CYP39A1: variants seen among roughly 807,000 people sequenced by gnomAD.
CYP39A1 encodes the protein 24-hydroxycholesterol 7-alpha-hydroxylase.
Under a neutral mutation model 58.1 loss-of-function variants are expected in CYP39A1, and 49 were observed. That is an observed-to-expected ratio of 0.84 (90% CI 0.67 to 1.07). CYP39A1 has a LOEUF of 1.07. Among genes scored for constraint, CYP39A1 ranks in the 50% least tolerant of loss-of-function variants. The pLI is 0.00. For synonymous variants in CYP39A1, 209 were observed against 187.6 expected (o/e 1.11, Z -0.93); for missense variants, 531 against 539.4 (o/e 0.98, Z 0.16).
At chr6:46,616,407 T>C (rs1003325289) in intron 7 of CYP39A1, among the ~76,000 whole-genome samples, 4 of 151,562 alleles carry the variant, frequency 2.6e-5, no homozygotes, top group Middle Eastern at 3.4e-3. Flanking sequence ...CACAGGTGCA[T>C]GGCACCATGC....
Position 46,558,691 on chromosome 6 carries a change from T to C in CYP39A1, c.1251-4837A>G, listed in dbSNP as rs113850922. ...CTCCGTAAGGATTTAGATTATAGCA[T>C]GCATTAGGAAAAAAGGTGATTGTCG... On this transcript the variant is annotated intron_variant, in intron 10 of 11. Coordinates refer to ENST00000275016, the MANE Select transcript of CYP39A1 (RefSeq NM_016593.5). Among the ~76,000 whole-genome samples, 393 of 152,154 alleles carry C rather than the reference T, an allele frequency of 2.6e-3. 2 individuals carry two copies. The highest frequency in any genetic ancestry group is 9.1e-3 in the African/African-American group (378 of 41,532).
intron 7 of CYP39A1, among the ~76,000 whole-genome samples, chr6:46,612,735 C>T (rs1469629497): frequency 1.3e-5 from 2 of 152,182 alleles, no homozygotes; most frequent in Non-Finnish European, 2.9e-5. Context: ...TTCACAATTC[C>T]ACTGGAGCGT....
chr6:46,595,933 A>C, intron 8 of CYP39A1, 54 bp downstream of exon 8: 2 of 1,557,468 alleles, frequency 1.3e-6, no homozygotes, highest in Non-Finnish European at 1.7e-6. Flanking sequence ...TGTGGGCAAA[A>C]TGTGTACTTT....
At chr6:46,628,739 C>T (rs762019430) in intron 6 of CYP39A1, among the ~76,000 whole-genome samples, 6 of 152,070 alleles carry the variant, frequency 3.9e-5, no homozygotes, top group Non-Finnish European at 5.9e-5. Context: ...TTCTCAGCAG[C>T]AATAAAGGTC....
At chr6:46,625,882 CA>C (rs1394846146) in intron 6 of CYP39A1, among the ~76,000 whole-genome samples, 1 of 151,694 alleles carries the variant, frequency 6.6e-6, no homozygotes, top group East Asian at 1.9e-4. Flanking sequence ...AATATTAATC[CA>C]AAACAAAAAC....
At chr6:46,609,920 GATA>G (rs1431516572) in intron 7 of CYP39A1, among the ~76,000 whole-genome samples, 1 of 152,158 alleles carries the variant, frequency 6.6e-6, no homozygotes, top group South Asian at 2.1e-4. Context: ...CTATGGGAAA[GATA>G]ATAAGTCAAA....
chr6:46,558,944 C>T (rs1041256661), intron 10 of CYP39A1, among the ~76,000 whole-genome samples: 1 of 146,278 alleles, frequency 6.8e-6, no homozygotes, highest in African/African-American at 2.6e-5. Context: ...TGCAGTGAGC[C>T]GAGATCGCGC....
chr6:46,618,407 T>A (rs1774748479), intron 7 of CYP39A1, among the ~76,000 whole-genome samples: 1 of 152,170 alleles, frequency 6.6e-6, no homozygotes, highest in Admixed American at 6.6e-5. Context: ...TAGTAACTTA[T>A]CAATTAAAAT....
chr6:46,645,719 T>C (rs1473339762), intron 1 of CYP39A1, among the ~76,000 whole-genome samples: 1 of 152,164 alleles, frequency 6.6e-6, no homozygotes, highest in Non-Finnish European at 1.5e-5. Context: ...TTGCTGGGAA[T>C]AGCATTTGCA....
At chr6:46,584,318 A>T (rs1008094574) in intron 10 of CYP39A1, among the ~76,000 whole-genome samples, 2 of 152,088 alleles carry the variant, frequency 1.3e-5, no homozygotes, top group Non-Finnish European at 2.9e-5. Context: ...TGATATATAT[A>T]TTTTGACACA....
chr6:46,620,211 G>A (rs1039341008), intron 7 of CYP39A1, among the ~76,000 whole-genome samples: 3 of 152,054 alleles, frequency 2.0e-5, no homozygotes, highest in African/African-American at 7.2e-5. Flanking sequence ...AAAGCCAGAA[G>A]TCTGCATTCA....
chr6:46,570,249 A>C (rs1169496215), intron 10 of CYP39A1, among the ~76,000 whole-genome samples: 1 of 152,134 alleles, frequency 6.6e-6, no homozygotes, highest in Non-Finnish European at 1.5e-5. Context: ...CAGAAGATAT[A>C]TCATTTTTCA....
intron 1 of CYP39A1, among the ~76,000 whole-genome samples, chr6:46,643,481 G>A (rs1776469764): frequency 6.6e-6 from 1 of 151,302 alleles, no homozygotes. Context: ...TAGTGATCCA[G>A]ACATCTACAC....
chr6:46,587,157 C>T lies in CYP39A1; in HGVS notation c.1170G>A (p.Trp390Ter), dbSNP rs769380813. The T allele has an allele frequency of 6.2e-7, 1 of 1,608,714 alleles. No individual in the cohort carries two copies. Among genetic ancestry groups the T allele is most frequent in the Middle Eastern group, 1.7e-4 (1 of 6,046 alleles). Residue 390 changes from tryptophan (W) to a stop codon, truncating the protein, a stop_gained, in exon 10 of 12, where the codon TGG (tryptophan) becomes TGA (stop). Transcript: ENST00000275016. LOFTEE classifies it high-confidence loss of function. ...AGTGCTTCTCTAAATTTGCCTTTTT[C>T]CAACGTTCCTGTGGGAAGAAAACAT... ...PEPELFKPER[W>*]KKANLEKHSF...
At chr6:46,566,479 T>C (rs1771288024) in intron 10 of CYP39A1, among the ~76,000 whole-genome samples, 1 of 152,044 alleles carries the variant, frequency 6.6e-6, no homozygotes. Context: ...TAGTCCTTTA[T>C]AAAAACCATC....
At position 46,598,048 on chromosome 6, in the gene CYP39A1, C is replaced by T. The variant is rs76874384; in HGVS notation, c.932-1928G>A. On this transcript the variant is annotated intron_variant, in intron 7 of 11. Coordinates refer to ENST00000275016, the MANE Select transcript of CYP39A1 (RefSeq NM_016593.5). ...CTTCTGCATCTTCACAACCTAAATG[C>T]CACAGTTTTTCCAAATTGTGTTCTA... Among the ~76,000 whole-genome samples the T allele has an allele frequency of 4.1e-3, 627 of 152,126 alleles. 5 individuals carry two copies. Among genetic ancestry groups the T allele is most frequent in the African/African-American group, 0.014 (595 of 41,512 alleles).
chr6:46,572,374 C>T (rs1019035139), intron 10 of CYP39A1, among the ~76,000 whole-genome samples: 4 of 152,098 alleles, frequency 2.6e-5, no homozygotes, highest in Non-Finnish European at 5.9e-5. Context: ...TGAACTCCTT[C>T]AGCTCTGTTT....
chr6:46,603,405 C>G (rs12111396), intron 7 of CYP39A1, among the ~76,000 whole-genome samples: 1 of 152,202 alleles, frequency 6.6e-6, no homozygotes. Flanking sequence ...GACTATTCCT[C>G]TATCACCTCT....
intron 6 of CYP39A1, among the ~76,000 whole-genome samples, chr6:46,629,303 T>A (rs1775508944): frequency 1.3e-5 from 2 of 152,258 alleles, no homozygotes; most frequent in South Asian, 2.1e-4. Flanking sequence ...TTCCGGGGGA[T>A]GTTTCTAACA....
Sources: gnomAD v4.1 joint callset for allele counts (sites outside exome capture counted in the v4.1 genomes callset) on GRCh38, gnomAD v4.1.1 for gene constraint, MANE v1.5 for transcripts, NCBI Gene and HGNC (gene_info 2026-07-23, HGNC 2026-07-21) for gene names.